Variants in POGZ observed in about 807,000 individuals in gnomAD.
The protein encoded by POGZ is pogo transposable element derived with ZNF domain, also known as pogo transposable element with ZNF domain.
A neutral mutation model predicts 134.6 loss-of-function variants in POGZ; 17 were observed. The observed-to-expected ratio is 0.13, with a 90% CI of 0.09 to 0.19. The LOEUF (loss-of-function observed/expected upper bound fraction) is 0.19, where lower values mean the gene tolerates loss of function less well. Among genes scored for constraint, POGZ ranks in the 10% least tolerant of loss-of-function variants. POGZ has a pLI of 1.00. For missense variants in POGZ, 1,306 were observed against 1,769.7 expected (o/e 0.74, Z 4.70); for synonymous variants, 693 against 657.1 (o/e 1.05, Z -0.84).
At chr1:151,453,584 C>A (rs1245420075) in intron 1 of POGZ, among the ~76,000 whole-genome samples, 1 of 152,186 alleles carries the variant, frequency 6.6e-6, no homozygotes, top group Non-Finnish European at 1.5e-5. Flanking sequence ...CATTATTTGA[C>A]ATCTTGGTAA....
rs1653345946 is a variant in POGZ at position 151,405,163 on chromosome 1, G to T, written c.3872C>A (p.Ala1291Glu). The change falls in exon 19 of 19, where the codon GCA becomes GAA. Residue 1291 changes from alanine to glutamate, a missense_variant. Ala to Glu is a moderately radical substitution (Grantham distance 107). Transcript: ENST00000271715. The surrounding 1 kb of genome is among the most constrained non-coding windows in gnomAD (Gnocchi z 4.9). The stretch of plus-strand genomic sequence containing the variant: ...CTGAAGCAGGACATCAGAATCACAT[G>T]CAGTATCTGCCATTTCCCGAGCCTG... The part of the protein sequence containing the change: ...KEQAREMADT[A>E]CDSDVLLQLV... 1 of 1,614,174 alleles carries T rather than the reference G, an allele frequency of 6.2e-7. No individual in the cohort carries two copies. The highest frequency in any genetic ancestry group is 2.2e-5 in the East Asian group (1 of 44,882).
Position 151,407,808 on chromosome 1 carries a change from G to A in POGZ, c.2375+292C>T, listed in dbSNP as rs561984551. On this transcript the variant is annotated intron_variant, in intron 15 of 18. Coordinates refer to ENST00000271715, the MANE Select transcript of POGZ (RefSeq NM_015100.4). Reference sequence around the variant, plus strand: ...GTGGATCACCTGAGCTCAGGAGTTTGAGACCAGCCTGGCCAACAAGGTGAA... The same window carrying A: ...GTGGATCACCTGAGCTCAGGAGTTTAAGACCAGCCTGGCCAACAAGGTGAA... Among the ~76,000 whole-genome samples, 11 of 152,096 alleles carry A rather than the reference G, an allele frequency of 7.2e-5. No homozygotes were observed. In the South Asian group the frequency reaches 1.5e-3, roughly 20 times the overall value.
intron 1 of POGZ, among the ~76,000 whole-genome samples, chr1:151,452,265 G>C (rs748259297): frequency 6.6e-6 from 1 of 151,748 alleles, no homozygotes; most frequent in African/African-American, 2.4e-5. Context: ...TCATGTAGGA[G>C]AATGTATTTA....
intron 10 of POGZ, among the ~76,000 whole-genome samples, chr1:151,421,062 T>TATA (rs934977179): frequency 6.6e-6 from 1 of 150,420 alleles, no homozygotes; most frequent in African/African-American, 2.4e-5. Flanking sequence ...ATTAAAAATA[T>TATA]ATAATATATA....
rs1028385363 is a variant in POGZ, at chr1:151,458,850, C to A, written c.-2+302G>T. ...CGCGGCGGGCGCCGGGGGGCGGGGGCGGCCGGCCAGCCGGCAGGCAGGGAC... is the reference window on the plus strand; with the variant it reads ...CGCGGCGGGCGCCGGGGGGCGGGGGAGGCCGGCCAGCCGGCAGGCAGGGAC... On this transcript the variant is annotated intron_variant, in intron 1 of 18. Transcript: ENST00000271715. Among the ~76,000 whole-genome samples, 3 of 145,268 alleles carry A rather than the reference C, an allele frequency of 2.1e-5. 1 individual carries two copies. The highest frequency in any genetic ancestry group is 7.4e-5 in the African/African-American group (3 of 40,528).
chr1:151,446,493 C>T (rs1384934819), intron 1 of POGZ, among the ~76,000 whole-genome samples: 1 of 152,040 alleles, frequency 6.6e-6, no homozygotes, highest in African/African-American at 2.4e-5. Context: ...CGGTTGCTCA[C>T]GCCTGTAATC....
At chr1:151,448,582 T>G (rs902134730) in intron 1 of POGZ, among the ~76,000 whole-genome samples, 10 of 152,110 alleles carry the variant, frequency 6.6e-5, no homozygotes, top group African/African-American at 2.4e-4. Context: ...CTATCTTTTC[T>G]TTGCCTGTAA....
intron 1 of POGZ, among the ~76,000 whole-genome samples, chr1:151,455,774 T>C (rs1014401849): frequency 5.9e-5 from 9 of 152,224 alleles, no homozygotes; most frequent in Admixed American, 6.5e-5. Flanking sequence ...TCTGTTGCTA[T>C]ATGTAGCTTT....
chr1:151,415,939 T>G (rs1655563445), intron 10 of POGZ, among the ~76,000 whole-genome samples: 1 of 151,748 alleles, frequency 6.6e-6, no homozygotes. Flanking sequence ...CAGGGCCGGG[T>G]GCACTGGCTC....
chr1:151,432,502 T>C (rs1166685811), intron 3 of POGZ, among the ~76,000 whole-genome samples: 1 of 152,222 alleles, frequency 6.6e-6, no homozygotes, highest in Admixed American at 6.5e-5. Flanking sequence ...CAGCAAGTTC[T>C]ATCCATGTTA....
At position 151,442,799 on chromosome 1, in the gene POGZ, A is replaced by G. The variant is rs115864560; in HGVS notation, c.-1-594T>C. On this transcript the variant is annotated intron_variant, in intron 1 of 18. Coordinates refer to ENST00000271715, the MANE Select transcript of POGZ (RefSeq NM_015100.4). ...TAATCCCGGCATTTTGGTAGGCTGA[A>G]GTGGGTGGATCACGAGGTCACGAGT... is the stretch of plus-strand genomic sequence containing the variant. 7.2e-3 allele frequency among the ~76,000 whole-genome samples: 1,099 copies of G among 151,978 alleles called. 13 individuals are homozygous for G. Among genetic ancestry groups the G allele is most frequent in the African/African-American group, 0.025 (1,029 of 41,432 alleles).
Position 151,406,358 on chromosome 1 carries a change from T to A in POGZ, c.2677A>T (p.Thr893Ser), listed in dbSNP as rs777748452. ...KAATVKSAGA[T>S]PAEPEELLTP... Reference sequence around the variant, plus strand: ...AGTAGCTCTTCAGGCTCAGCTGGGGTGGCCCCCGCAGATTTCACAGTGGCA... The same window carrying A: ...AGTAGCTCTTCAGGCTCAGCTGGGGAGGCCCCCGCAGATTTCACAGTGGCA... The change falls in exon 19 of 19, where the codon ACC becomes TCC. Residue 893 changes from threonine (T) to serine (S), a missense_variant. Physicochemically the swap from Thr to Ser is moderately conservative, Grantham distance 58. This residue lies in a region of POGZ where 214 missense variants were observed against 255.5 expected (regional missense o/e 0.84). Transcript: ENST00000271715. 1.9e-6 allele frequency: 3 copies of A among 1,597,210 alleles called. No homozygotes were observed. The highest frequency in any genetic ancestry group is 3.5e-5 in the Admixed American group (2 of 57,490).
intron 7 of POGZ, chr1:151,427,468 TG>T (rs1657974074): frequency 3.7e-6 from 1 of 269,626 alleles, no homozygotes; most frequent in Non-Finnish European, 7.3e-6. Flanking sequence ...TCTAGACCAC[TG>T]AAAACCCTCA....
At chr1:151,429,758 C>G in intron 4 of POGZ, 47 bp from the exon 5 acceptor site, 1 of 1,103,384 alleles carries the variant, frequency 9.1e-7, no homozygotes, top group Non-Finnish European at 1.4e-6. Context: ...CCAATTAACA[C>G]TGACAAAGAT....
At chr1:151,442,053 C>A (rs1044350464) in intron 2 of POGZ, 28 bp downstream of exon 2, 1 of 1,520,490 alleles carries the variant, frequency 6.6e-7, no homozygotes, top group South Asian at 1.1e-5. Flanking sequence ...TAATTTAAAC[C>A]ATCTAAGATC....
intron 3 of POGZ, among the ~76,000 whole-genome samples, chr1:151,433,285 C>G (rs1196386059): frequency 1.3e-5 from 2 of 152,078 alleles, no homozygotes; most frequent in African/African-American, 4.8e-5. Flanking sequence ...ATATCAGGGT[C>G]AAGTTTAAAT....
chr1:151,442,282 C>CT, intron 1 of POGZ, 77 bp from the exon 2 acceptor site: 1 of 1,344,808 alleles, frequency 7.4e-7, no homozygotes, highest in Non-Finnish European at 1.0e-6. Context: ...GAAATCAGAA[C>CT]TTTGACTCCA....
chr1:151,426,793 CT>C (rs1191257227), intron 7 of POGZ: 2 of 152,026 alleles, frequency 1.3e-5, no homozygotes, highest in African/African-American at 4.8e-5. Flanking sequence ...TTCTAAGAGT[CT>C]TATAGTTTTA....
At chr1:151,408,023 AAAAAAAAAG>A (rs1248792247) in intron 15 of POGZ, 68 bp downstream of exon 15, 381 of 1,066,968 alleles carry the variant, frequency 3.6e-4, no homozygotes, top group South Asian at 4.6e-4. Flanking sequence ...AAAAAAAAAA[AAAAAAAAAG>A]AAGAAGAAGA....
Sources: gnomAD v4.1 joint callset for allele counts (sites outside exome capture counted in the v4.1 genomes callset) on GRCh38, gnomAD v4.1.1 for gene constraint, gnomAD v4.1.1 regional missense constraint, Gnocchi (gnomAD v3.1) non-coding constraint, MANE v1.5 for transcripts, NCBI Gene and HGNC (gene_info 2026-07-23, HGNC 2026-07-21) for gene names.